GPC5: variants seen among roughly 807,000 people sequenced by gnomAD.
The protein encoded by GPC5 is glypican-5.
In GPC5, 47 loss-of-function variants were observed where a neutral mutation model predicts 53.9. The observed-to-expected ratio is 0.87, with a 90% CI of 0.69 to 1.11. GPC5 has a LOEUF of 1.11. Among genes scored for constraint, GPC5 ranks in the 50% most tolerant of loss-of-function variants. GPC5 has a pLI of 0.00. For missense variants in GPC5, 748 were observed against 713.1 expected (o/e 1.05, Z -0.56); for synonymous variants, 286 against 263.3 (o/e 1.09, Z -0.84).
intron 2 of GPC5, among the ~76,000 whole-genome samples, chr13:91,535,282 A>G (rs184650072): frequency 4.6e-5 from 7 of 152,156 alleles, no homozygotes; most frequent in Admixed American, 3.3e-4. Context: ...TCATGCCTGC[A>G]TTATGTACTC....
At chr13:92,859,446 A>C (rs1417185738) in intron 7 of GPC5, among the ~76,000 whole-genome samples, 1 of 152,052 alleles carries the variant, frequency 6.6e-6, no homozygotes, top group African/African-American at 2.4e-5. Context: ...TGCATTTTTA[A>C]ATTATTTTAA....
chr13:91,805,139 G>A (rs1327142178), intron 5 of GPC5, among the ~76,000 whole-genome samples: 3 of 152,126 alleles, frequency 2.0e-5, no homozygotes, highest in Admixed American at 6.6e-5. Flanking sequence ...AGAGGGAGTG[G>A]TGTGGTTGAT....
At chr13:91,766,367 A>G (rs1324268839) in intron 5 of GPC5, among the ~76,000 whole-genome samples, 1 of 152,172 alleles carries the variant, frequency 6.6e-6, no homozygotes, top group Non-Finnish European at 1.5e-5. Flanking sequence ...CTTCATGGGC[A>G]TGTCGTGACT....
At chr13:91,586,606 A>G (rs1216284229) in intron 2 of GPC5, among the ~76,000 whole-genome samples, 2 of 130,110 alleles carry the variant, frequency 1.5e-5, no homozygotes, top group African/African-American at 5.7e-5. Flanking sequence ...AGGAAGTGCT[A>G]CATTTTTAAA....
chr13:91,420,830 C>T (rs1193116852), intron 1 of GPC5, among the ~76,000 whole-genome samples: 1 of 152,206 alleles, frequency 6.6e-6, no homozygotes, highest in East Asian at 1.9e-4. Context: ...GTTCCTGCTT[C>T]CCCTTCTGCC....
intron 2 of GPC5, among the ~76,000 whole-genome samples, chr13:91,613,666 G>C (rs7990851): frequency 0.035 from 5,297 of 152,238 alleles, 103 homozygotes; most frequent in Middle Eastern, 0.054. Flanking sequence ...AAGAAGAAGT[G>C]GTTAGGAAAA....
At chr13:92,397,645 A>G (rs1352382360) in intron 7 of GPC5, among the ~76,000 whole-genome samples, 3 of 152,078 alleles carry the variant, frequency 2.0e-5, no homozygotes, top group Non-Finnish European at 1.5e-5. Context: ...TTCCTCTGCA[A>G]TCTCAGTTCT....
intron 7 of GPC5, among the ~76,000 whole-genome samples, chr13:92,243,733 G>C (rs1413985230): frequency 3.3e-5 from 5 of 152,076 alleles, no homozygotes; most frequent in African/African-American, 1.2e-4. Flanking sequence ...AAATTCAAGA[G>C]CCTGGAATTA....
At chr13:92,107,487 T>C (rs1008782899) in intron 6 of GPC5, among the ~76,000 whole-genome samples, 1 of 152,122 alleles carries the variant, frequency 6.6e-6, no homozygotes, top group African/African-American at 2.4e-5. Context: ...TCCAGAATAA[T>C]GTAAGGCCAC....
chr13:92,017,645 G>A (rs2040718526), intron 6 of GPC5, among the ~76,000 whole-genome samples: 1 of 152,058 alleles, frequency 6.6e-6, no homozygotes, highest in South Asian at 2.1e-4. Context: ...ATGATTCAGT[G>A]GATGGCATAT....
chr13:91,502,354 T>C (rs1178999448), intron 2 of GPC5, among the ~76,000 whole-genome samples: 3 of 151,638 alleles, frequency 2.0e-5, no homozygotes, highest in Non-Finnish European at 4.4e-5. Flanking sequence ...GCCTAGGTTT[T>C]CTTCTAGGGT....
chr13:92,150,960 G>A (rs1455477305), intron 7 of GPC5, among the ~76,000 whole-genome samples: 1 of 151,476 alleles, frequency 6.6e-6, no homozygotes, highest in East Asian at 1.9e-4. Context: ...AAGTCATATA[G>A]CTATCAACAA....
At chr13:92,300,509 CAT>C (rs2043068178) in intron 7 of GPC5, among the ~76,000 whole-genome samples, 1 of 152,198 alleles carries the variant, frequency 6.6e-6, no homozygotes, top group African/African-American at 2.4e-5. Flanking sequence ...TAACCTAACA[CAT>C]GAGTCTGATC....
In GPC5 at chr13:92,866,360, G is replaced by T; in HGVS notation, c.1640G>T (p.Gly547Val). ...TDTGSTLDTT[G>V]AGCAVATESM... ...ACTGGCAGTACTTTAGACACAACAG[G>T]AGCAGGATGTGCAGTGGCGACTGAA... Residue 547 changes from glycine to valine, a missense_variant, in exon 8 of 8, where the codon GGA (glycine) becomes GTA (valine). Gly to Val is a moderately radical substitution (Grantham distance 109). Transcript: ENST00000377067. The T allele has an allele frequency of 6.2e-7, 1 of 1,613,100 alleles. No homozygotes were observed. Among genetic ancestry groups the T allele is most frequent in the East Asian group, 2.2e-5 (1 of 44,816 alleles).
rs912886212 is a variant in GPC5, at chr13:92,714,393, C to T, written c.1562-151889C>T. ...GAATTCTTCCCAGATAACCATGGAT[C>T]TTTGGCTAAAAAGCTCCCACATAAT... On this transcript the variant is annotated intron_variant, in intron 7 of 7. Transcript: ENST00000377067. Among the ~76,000 whole-genome samples, 20 of 152,288 alleles carry T rather than the reference C, an allele frequency of 1.3e-4. 1 individual carries two copies. In the South Asian group the frequency reaches 3.1e-3, roughly 24 times the overall value.
chr13:92,839,302 C>T (rs776875714), intron 7 of GPC5, among the ~76,000 whole-genome samples: 2 of 152,148 alleles, frequency 1.3e-5, no homozygotes, highest in African/African-American at 2.4e-5. Flanking sequence ...TGTATTTTCT[C>T]TTGTTTTAAC....
At chr13:92,196,293 TTTAA>T (rs1374670979) in intron 7 of GPC5, among the ~76,000 whole-genome samples, 1 of 152,142 alleles carries the variant, frequency 6.6e-6, no homozygotes, top group Non-Finnish European at 1.5e-5. Flanking sequence ...TTTTATAAGA[TTTAA>T]TTAGACAGAT....
chr13:91,664,378 A>G (rs1053056579), intron 2 of GPC5, among the ~76,000 whole-genome samples: 1 of 152,124 alleles, frequency 6.6e-6, no homozygotes, highest in African/African-American at 2.4e-5. Flanking sequence ...TTGCATGATC[A>G]TTTATCTAAA....
At chr13:92,775,662 C>T (rs969371231) in intron 7 of GPC5, among the ~76,000 whole-genome samples, 2 of 151,854 alleles carry the variant, frequency 1.3e-5, no homozygotes, top group Non-Finnish European at 2.9e-5. Flanking sequence ...CAGTAAAAAC[C>T]TTATGACTCC....
Sources: gnomAD v4.1 joint callset for allele counts (sites outside exome capture counted in the v4.1 genomes callset) on GRCh38, gnomAD v4.1.1 for gene constraint, MANE v1.5 for transcripts, NCBI Gene and HGNC (gene_info 2026-07-23, HGNC 2026-07-21) for gene names.